Variants in FRMD4B observed in about 807,000 individuals in gnomAD.
FRMD4B encodes the protein FERM domain containing 4B.
In FRMD4B, 74 loss-of-function variants were observed where a neutral mutation model predicts 141.5. The observed-to-expected ratio is 0.52, with a 90% confidence interval of 0.43 to 0.63. The LOEUF is 0.63. Ranked by LOEUF, FRMD4B falls within the 30% of genes least tolerant of loss-of-function variation. FRMD4B has a pLI of 0.00. For missense variants in FRMD4B, 1,366 were observed against 1,253.4 expected (o/e 1.09, Z -1.36); for synonymous variants, 506 against 467.9 (o/e 1.08, Z -1.05).
At chr3:69,473,563 G>A (rs1705931418) in intron 1 of FRMD4B, among the ~76,000 whole-genome samples, 1 of 151,994 alleles carries the variant, frequency 6.6e-6, no homozygotes, top group Non-Finnish European at 1.5e-5. Context: ...TACCTCTCCA[G>A]CCATATCAAT....
chr3:69,355,993 C>T (rs1037854968), intron 1 of FRMD4B, among the ~76,000 whole-genome samples: 6 of 151,950 alleles, frequency 3.9e-5, no homozygotes, highest in Non-Finnish European at 7.4e-5. Flanking sequence ...CCACTGCACT[C>T]CAGCCTGGGT....
At chr3:69,534,056 G>A (rs1188645936) in intron 1 of FRMD4B, among the ~76,000 whole-genome samples, 1 of 152,214 alleles carries the variant, frequency 6.6e-6, no homozygotes, top group Non-Finnish European at 1.5e-5. Flanking sequence ...TAGAAATGCA[G>A]TCTCAGGCCC....
intron 2 of FRMD4B, among the ~76,000 whole-genome samples, chr3:69,430,840 C>T (rs1051754755): frequency 6.6e-6 from 1 of 152,176 alleles, no homozygotes; most frequent in Admixed American, 6.5e-5. Flanking sequence ...AAGGATGAAA[C>T]AACTTTGGAA....
intron 1 of FRMD4B, among the ~76,000 whole-genome samples, chr3:69,378,821 A>C (rs1223430765): frequency 4.0e-5 from 6 of 151,810 alleles, no homozygotes; most frequent in African/African-American, 1.5e-4. Flanking sequence ...AAAAAAAACC[A>C]AAAAACCCTC....
chr3:69,481,198 G>A (rs761280414), intron 1 of FRMD4B, among the ~76,000 whole-genome samples: 12 of 152,242 alleles, frequency 7.9e-5, no homozygotes, highest in South Asian at 4.1e-4. Flanking sequence ...TTCAGCTTGC[G>A]CACGGTGTGC....
At chr3:69,410,716 TAAATAA>T (rs1704739819) in intron 2 of FRMD4B, among the ~76,000 whole-genome samples, 2 of 66,014 alleles carry the variant, frequency 3.0e-5, no homozygotes, top group African/African-American at 1.2e-4. Flanking sequence ...TATAAATAAA[TAAATAA>T]ATAAATATAT....
intron 1 of FRMD4B, among the ~76,000 whole-genome samples, chr3:69,533,307 T>C (rs575264484): frequency 2.0e-5 from 3 of 152,158 alleles, no homozygotes; most frequent in Non-Finnish European, 2.9e-5. Context: ...CAGAGACTCT[T>C]GCAACATGGT....
intron 7 of FRMD4B, among the ~76,000 whole-genome samples, chr3:69,234,346 G>A (rs2093330657): frequency 6.6e-6 from 1 of 151,914 alleles, no homozygotes; most frequent in African/African-American, 2.4e-5. Context: ...TTCTATTGAA[G>A]GATGACAGAT....
At position 69,169,353 on chromosome 3, in the gene FRMD4B, C is replaced by CTTTT. The variant is rs140202368; in HGVS notation, c.*2504_*2507dup. 2.6e-3 allele frequency among the ~76,000 whole-genome samples: 75 copies of CTTTT among 29,234 alleles called. No homozygotes were observed. The highest frequency in any genetic ancestry group is 4.7e-3 in the African/African-American group (73 of 15,614). 19.2% of individuals were successfully genotyped at this position (29,234 alleles called of 152,430 possible). On this transcript the variant is annotated 3_prime_UTR_variant, in exon 23 of 23. Coordinates refer to ENST00000398540, the MANE Select transcript of FRMD4B (RefSeq NM_015123.3). ...AGGATTGCTGAACTTCCATTTCTTT[C>CTTTT]TTTTTTTTTTTTTTTTTTTTTTCTT...
At chr3:69,356,101 G>C (rs1297683676) in intron 1 of FRMD4B, among the ~76,000 whole-genome samples, 1 of 152,170 alleles carries the variant, frequency 6.6e-6, no homozygotes, top group Admixed American at 6.5e-5. Context: ...CTGGGGGTAG[G>C]GGGGAACCCC....
intron 1 of FRMD4B, among the ~76,000 whole-genome samples, chr3:69,328,206 T>C (rs1417733880): frequency 6.6e-6 from 1 of 152,016 alleles, no homozygotes; most frequent in Non-Finnish European, 1.5e-5. Flanking sequence ...ATGAAATAAA[T>C]CGCATTAAAA....
intron 1 of FRMD4B, among the ~76,000 whole-genome samples, chr3:69,337,845 T>A (rs1702607002): frequency 6.6e-6 from 1 of 152,210 alleles, no homozygotes; most frequent in African/African-American, 2.4e-5. Context: ...AGGAACACTT[T>A]GACACTGTTG....
intron 4 of FRMD4B, among the ~76,000 whole-genome samples, chr3:69,293,820 G>A (rs1203672077): frequency 6.9e-6 from 1 of 144,028 alleles, no homozygotes; most frequent in Non-Finnish European, 1.5e-5. Flanking sequence ...GGAGGAGGTT[G>A]CAGTGAGTTG....
chr3:69,200,011 A>G (rs1183222964), intron 11 of FRMD4B, among the ~76,000 whole-genome samples: 1 of 152,034 alleles, frequency 6.6e-6, no homozygotes, highest in Non-Finnish European at 1.5e-5. Context: ...ATATTATTAG[A>G]CTTCGGCTGG....
chr3:69,519,553 T>C (rs539074389), intron 1 of FRMD4B, among the ~76,000 whole-genome samples: 30 of 152,178 alleles, frequency 2.0e-4, no homozygotes, highest in Non-Finnish European at 4.0e-4. Flanking sequence ...TTTTGGCTGC[T>C]ATCTTCTATT....
chr3:69,417,612 T>C (rs1704891471), intron 2 of FRMD4B, among the ~76,000 whole-genome samples: 3 of 152,196 alleles, frequency 2.0e-5, no homozygotes, highest in Non-Finnish European at 1.5e-5. Flanking sequence ...AGTCACGAAG[T>C]CTTTGCCCAT....
chr3:69,249,124 C>G, intron 7 of FRMD4B, 102 bp downstream of exon 7: 1 of 726,752 alleles, frequency 1.4e-6, no homozygotes, highest in Non-Finnish European at 2.3e-6. Context: ...CCTTACAGAT[C>G]TACTTTCCTT....
intron 7 of FRMD4B, among the ~76,000 whole-genome samples, chr3:69,235,189 TAATAA>T (rs2093337500): frequency 1.4e-5 from 2 of 144,852 alleles, no homozygotes; most frequent in African/African-American, 5.1e-5. Context: ...ATAATAATAA[TAATAA>T]TAATATTTTC....
Position 69,176,531 on chromosome 3 carries a change from G to A in FRMD4B, c.2977C>T (p.Pro993Ser). 1 of 1,612,162 alleles carries A rather than the reference G, an allele frequency of 6.2e-7. No homozygotes were observed. Among genetic ancestry groups the A allele is most frequent in the Non-Finnish European group, 8.5e-7 (1 of 1,178,392 alleles). The change falls in exon 22 of 23, where the codon CCA becomes TCA. Residue 993 changes from proline to serine, a missense_variant. Pro to Ser is a moderately conservative substitution (Grantham distance 74). Transcript: ENST00000398540. ...YGNVYNPLPS[P>S]SRQYTEISQL... ...CGAGCATTGCTTCCTCACCTGCTTG[G>A]AGAGGGTAAAGGATTATAGACATTG...
Sources: allele counts gnomAD v4.1 joint callset (sites outside exome capture counted in the v4.1 genomes callset), GRCh38; gene constraint gnomAD v4.1.1; transcripts MANE v1.5; gene names NCBI Gene and HGNC (gene_info 2026-07-23, HGNC 2026-07-21).